CDK17: variants seen among roughly 807,000 people sequenced by gnomAD.
CDK17 encodes the protein cyclin dependent kinase 17.
A neutral mutation model predicts 77.6 loss-of-function variants in CDK17; 24 were observed. That is an observed-to-expected ratio of 0.31 (90% confidence interval 0.22 to 0.44). The LOEUF (loss-of-function observed/expected upper bound fraction) is 0.44, where lower values mean the gene tolerates loss of function less well. Among genes scored for constraint, CDK17 ranks in the 20% least tolerant of loss-of-function variants. CDK17 has a pLI of 1.00. For missense variants in CDK17, 429 were observed against 622.5 expected (o/e 0.69, Z 3.31); for synonymous variants, 203 against 210.4 (o/e 0.96, Z 0.30).
At chr12:96,325,112 T>C (rs1458650490) in intron 2 of CDK17, among the ~76,000 whole-genome samples, 1 of 152,246 alleles carries the variant, frequency 6.6e-6, no homozygotes, top group Non-Finnish European at 1.5e-5. Context: ...AGAGCTCTGA[T>C]ACAGGTTAAA....
chr12:96,344,807 GTTT>G (rs779649852), intron 1 of CDK17, among the ~76,000 whole-genome samples: 1 of 152,054 alleles, frequency 6.6e-6, no homozygotes, highest in Non-Finnish European at 1.5e-5. Flanking sequence ...TGCTTTTCTT[GTTT>G]TTTTAATTAT....
At chr12:96,335,754 G>A (rs1018963268) in intron 1 of CDK17, among the ~76,000 whole-genome samples, 1 of 152,040 alleles carries the variant, frequency 6.6e-6, no homozygotes, top group Non-Finnish European at 1.5e-5. Flanking sequence ...TAAATTAATG[G>A]TATAATTCAT....
At chr12:96,364,604 T>C (rs1953553822) in intron 1 of CDK17, among the ~76,000 whole-genome samples, 1 of 152,320 alleles carries the variant, frequency 6.6e-6, no homozygotes, top group Non-Finnish European at 1.5e-5. Flanking sequence ...CTCTGTTCTT[T>C]TCCCATCGTT....
intron 1 of CDK17, among the ~76,000 whole-genome samples, chr12:96,398,894 C>T (rs1221820254): frequency 6.6e-6 from 1 of 152,114 alleles, no homozygotes; most frequent in Admixed American, 6.6e-5. Flanking sequence ...GAGGCGAGAG[C>T]CACAGATTTC....
At chr12:96,316,326 T>C (rs1230506698) in intron 3 of CDK17, among the ~76,000 whole-genome samples, 3 of 151,512 alleles carry the variant, frequency 2.0e-5, no homozygotes, top group Non-Finnish European at 4.4e-5. Context: ...GTCTTGCTGA[T>C]TGCTAGCACA....
intron 1 of CDK17, among the ~76,000 whole-genome samples, chr12:96,381,747 G>T (rs1026192670): frequency 1.3e-5 from 2 of 149,690 alleles, no homozygotes; most frequent in African/African-American, 4.9e-5. Context: ...AAAAGAGATG[G>T]ATCACCAAAA....
rs1178567087 is a variant in CDK17 at position 96,338,147 on chromosome 12, T to TG, written c.-29-3283dup. 4.6e-5 allele frequency among the ~76,000 whole-genome samples: 7 copies of TG among 152,198 alleles called. No individual in the cohort carries two copies. The South Asian group carries it at 8.3e-4, about 18-fold the overall frequency. ...TAAAGTCAGTCATATGAGCACTCCA[T>TG]GCCTATCTAATAGATCCACAGTAAT... is the stretch of plus-strand genomic sequence containing the variant. On this transcript the variant is annotated intron_variant, in intron 1 of 16. Coordinates refer to ENST00000261211, the MANE Select transcript of CDK17 (RefSeq NM_002595.5).
intron 1 of CDK17, among the ~76,000 whole-genome samples, chr12:96,368,087 C>G (rs1302913977): frequency 6.6e-6 from 1 of 151,368 alleles, no homozygotes; most frequent in Non-Finnish European, 1.5e-5. Flanking sequence ...TATGAATGGC[C>G]TAGGAAAAGT....
intron 3 of CDK17, among the ~76,000 whole-genome samples, chr12:96,315,712 A>C (rs1490914485): frequency 6.6e-6 from 1 of 152,186 alleles, no homozygotes; most frequent in Non-Finnish European, 1.5e-5. Context: ...TAGGAAGCAA[A>C]AACAAAGAGA....
chr12:96,282,718 A>G, intron 14 of CDK17, 119 bp from the exon 15 acceptor site: 1 of 632,558 alleles, frequency 1.6e-6, no homozygotes, highest in East Asian at 2.8e-5. Context: ...TAATATGATG[A>G]CTATTTTTCA....
intron 1 of CDK17, among the ~76,000 whole-genome samples, chr12:96,391,066 G>A (rs1474728343): frequency 1.4e-5 from 2 of 145,598 alleles, no homozygotes; most frequent in Non-Finnish European, 3.0e-5. Flanking sequence ...CAACCTAAAC[G>A]ACAGAGGGAG....
At chr12:96,337,655 G>A (rs1953062647) in intron 1 of CDK17, among the ~76,000 whole-genome samples, 1 of 152,124 alleles carries the variant, frequency 6.6e-6, no homozygotes, top group Admixed American at 6.5e-5. Context: ...ACTTCTGATA[G>A]TCAACCTTTA....
At chr12:96,360,818 C>T (rs917088268) in intron 1 of CDK17, among the ~76,000 whole-genome samples, 2 of 152,198 alleles carry the variant, frequency 1.3e-5, no homozygotes, top group African/African-American at 4.8e-5. Flanking sequence ...TGGACTTTGG[C>T]TGGCAAAGGC....
chr12:96,394,762 C>T, intron 1 of CDK17, among the ~76,000 whole-genome samples: 1 of 146,634 alleles, frequency 6.8e-6, no homozygotes, highest in Non-Finnish European at 1.5e-5. Flanking sequence ...CAACACTGCA[C>T]TCCAGCCTGG....
chr12:96,315,929 T>A (rs568316054), intron 3 of CDK17, among the ~76,000 whole-genome samples: 67 of 149,304 alleles, frequency 4.5e-4, no homozygotes, highest in African/African-American at 1.5e-3. Context: ...AGGGTACATT[T>A]AAAAAAAAAA....
intron 1 of CDK17, among the ~76,000 whole-genome samples, chr12:96,371,243 C>A (rs987305302): frequency 6.6e-6 from 1 of 151,688 alleles, no homozygotes; most frequent in Non-Finnish European, 1.5e-5. Context: ...TTCTACAATA[C>A]CAGATTATCT....
At chr12:96,396,065 T>C (rs1032211989) in intron 1 of CDK17, among the ~76,000 whole-genome samples, 2 of 152,254 alleles carry the variant, frequency 1.3e-5, no homozygotes, top group African/African-American at 4.8e-5. Context: ...CAATATGCCA[T>C]AGATCTGTAA....
chr12:96,393,782 C>G (rs1444105680), intron 1 of CDK17, among the ~76,000 whole-genome samples: 1 of 151,996 alleles, frequency 6.6e-6, no homozygotes, highest in Non-Finnish European at 1.5e-5. Context: ...GCTTCTTTTT[C>G]CACCAGAAAT....
chr12:96,279,608 G>C lies in CDK17; in HGVS notation c.*634C>G, dbSNP rs1198601978. On this transcript the variant is annotated 3_prime_UTR_variant, in exon 17 of 17. Coordinates refer to ENST00000261211, the MANE Select transcript of CDK17 (RefSeq NM_002595.5). ...TCCTCAAAATGTCAGGGATTCACTT[G>C]CTTGAATCAACTTCTGCATCACATG... 6.6e-6 allele frequency: 1 copy of C among 152,278 alleles called. No homozygotes were observed. Among genetic ancestry groups the C allele is most frequent in the Non-Finnish European group, 1.5e-5 (1 of 68,016 alleles). 9.4% of individuals were successfully genotyped at this position (152,278 alleles called of 1,614,324 possible).
Sources: allele counts gnomAD v4.1 joint callset (sites outside exome capture counted in the v4.1 genomes callset), GRCh38; gene constraint gnomAD v4.1.1; transcripts MANE v1.5; gene names NCBI Gene and HGNC (gene_info 2026-07-23, HGNC 2026-07-21).